The following TRIM37 variants were observed in gnomAD, a reference collection of about 807,000 sequenced individuals.
TRIM37 encodes tripartite motif containing 37.
Under a neutral mutation model 129.8 loss-of-function variants are expected in TRIM37, and 80 were observed. The ratio of observed to expected loss-of-function variants is 0.62; its 90% CI spans 0.51 to 0.74. The LOEUF is 0.74. Among genes scored for constraint, TRIM37 ranks in the 30% least tolerant of loss-of-function variants. The probability of loss-of-function intolerance (pLI) is 0.00; values close to 1 mark genes in which losing one functional copy is unlikely to be tolerated. For synonymous variants in TRIM37, 389 were observed against 387.1 expected (o/e 1.00, Z -0.06); for missense variants, 1,054 against 1,176.5 (o/e 0.90, Z 1.52).
chr17:59,078,099 T>C (rs1488615918), intron 7 of TRIM37, among the ~76,000 whole-genome samples: 1 of 152,014 alleles, frequency 6.6e-6, no homozygotes, highest in African/African-American at 2.4e-5. Flanking sequence ...CACTCCAGCC[T>C]GAATGACAGA....
At chr17:59,064,064 G>A in intron 10 of TRIM37, 1 of 281,828 alleles carries the variant, frequency 3.5e-6, no homozygotes, top group Non-Finnish European at 6.7e-6. Context: ...GGAGGTTGAG[G>A]CTGCAGTGAG....
intron 13 of TRIM37, among the ~76,000 whole-genome samples, chr17:59,052,186 T>G (rs1397043648): frequency 1.4e-5 from 2 of 147,150 alleles, no homozygotes; most frequent in African/African-American, 5.1e-5. Flanking sequence ...AATGACAGAA[T>G]CTTAATCTAT....
chr17:59,104,077 C>T (rs1057177156), intron 2 of TRIM37, among the ~76,000 whole-genome samples: 11 of 152,168 alleles, frequency 7.2e-5, no homozygotes, highest in African/African-American at 2.7e-4. Context: ...ACCGCACATT[C>T]TTCAAAATAA....
chr17:59,013,461 G>T (rs1039736537), intron 21 of TRIM37, among the ~76,000 whole-genome samples: 4 of 151,350 alleles, frequency 2.6e-5, no homozygotes, highest in African/African-American at 4.9e-5. Flanking sequence ...AGATATTATT[G>T]AATGAGAAAA....
rs760501865 is a variant in TRIM37, at chr17:59,041,868, G to T, written c.1698C>A (p.Asn566Lys). The T allele has an allele frequency of 3.2e-5, 52 of 1,613,524 alleles. 1 individual carries two copies. The South Asian group carries it at 5.4e-4, about 17-fold the overall frequency. Residue 566 changes from asparagine to lysine, a missense_variant, in exon 17 of 24, where the codon AAC becomes AAA. Asn to Lys is a moderately conservative substitution (Grantham distance 94). This residue lies in a region of TRIM37 where 752 missense variants were observed against 870.8 expected (regional missense o/e 0.86). Coordinates refer to ENST00000262294, the MANE Select transcript of TRIM37 (RefSeq NM_015294.6). ...MSGENDVEYN[N>K]MELEEGELME... ...TGAGTTCTCCCTCTTCTAATTCCAT[G>T]TTGTTATATTCCACATCATTTTCTC...
At chr17:59,035,675 A>T (rs897024166) in intron 17 of TRIM37, among the ~76,000 whole-genome samples, 6 of 152,018 alleles carry the variant, frequency 3.9e-5, no homozygotes, top group Non-Finnish European at 8.8e-5. Flanking sequence ...TGAACCCAGG[A>T]GGCAGAGGTT....
At chr17:59,041,477 G>A (rs2039147529) in intron 17 of TRIM37, among the ~76,000 whole-genome samples, 1 of 152,064 alleles carries the variant, frequency 6.6e-6, no homozygotes, top group African/African-American at 2.4e-5. Flanking sequence ...AACAAATCTG[G>A]GGATTCAATT....
chr17:59,080,314 T>C (rs1599412256), intron 6 of TRIM37, among the ~76,000 whole-genome samples: 1 of 152,238 alleles, frequency 6.6e-6, no homozygotes. Context: ...TCACTAAAGC[T>C]GTTTGACCTA....
rs764075891 is a variant in TRIM37, at chr17:59,015,717, T to C, written c.2469A>G (p.Pro823=). 1 of 1,614,162 alleles carries C rather than the reference T, an allele frequency of 6.2e-7. No homozygotes were observed. The highest frequency in any genetic ancestry group is 1.3e-5 in the African/African-American group (1 of 75,058). Residue 823 remains proline (P), a synonymous_variant, in exon 21 of 24, where the codon CCA becomes CCG. Transcript: ENST00000262294. ...LIHGSIGDIL[P]KTEDRQCKAL... is the part of the protein sequence containing the mutation. ...CTTTACACTGCCGGTCTTCAGTTTT[T>C]GGCAGAATATCACCGATACTGCCAT...
intron 22 of TRIM37, among the ~76,000 whole-genome samples, chr17:59,005,360 T>G (rs2034348308): frequency 6.6e-6 from 1 of 152,214 alleles, no homozygotes; most frequent in East Asian, 1.9e-4. Context: ...CTCAGCCTAC[T>G]GCAACCTCCA....
intron 19 of TRIM37, among the ~76,000 whole-genome samples, chr17:59,023,730 T>C (rs1272452479): frequency 1.3e-5 from 2 of 151,800 alleles, no homozygotes; most frequent in African/African-American, 4.8e-5. Flanking sequence ...AGAAAAAAAC[T>C]AAAGGAATTC....
the TRIM37 span, among the ~76,000 whole-genome samples, chr17:58,975,612 G>T: frequency 6.6e-6 from 1 of 152,198 alleles, no homozygotes; most frequent in African/African-American, 2.4e-5. Flanking sequence ...ATACACAGGG[G>T]TTTGAAAAGG....
At position 59,106,635 on chromosome 17, in the gene TRIM37, T is replaced by TA; in HGVS notation, c.-175dup. The stretch of plus-strand genomic sequence containing the variant: ...CCATCTCTTCAGGTCCAGCGCCGCC[T>TA]ACCCCCATTTCGCCATTTTTACCGG... On this transcript the variant is annotated 5_prime_UTR_variant, in exon 1 of 24. It removes the in-frame stop codon of an upstream open reading frame in the 5' UTR. Transcript: ENST00000262294. 1 of 729,214 alleles carries TA rather than the reference T, an allele frequency of 1.4e-6. No homozygotes were observed. 45.2% of individuals were successfully genotyped at this position (729,214 alleles called of 1,614,324 possible).
chr17:59,012,253 A>ACCCCCC, intron 22 of TRIM37, 75 bp downstream of exon 22: 1 of 845,522 alleles, frequency 1.2e-6, no homozygotes. Context: ...CACCACCACC[A>ACCCCCC]CCACCCACCA....
intron 4 of TRIM37, among the ~76,000 whole-genome samples, chr17:59,087,754 C>T (rs919437152): frequency 2.6e-5 from 4 of 152,108 alleles, no homozygotes; most frequent in Non-Finnish European, 2.9e-5. Flanking sequence ...GGAATCTCAC[C>T]TAATTCAAGT....
intron 22 of TRIM37, among the ~76,000 whole-genome samples, chr17:59,011,637 T>C (rs543857304): frequency 6.6e-6 from 1 of 152,344 alleles, no homozygotes; most frequent in Non-Finnish European, 1.5e-5. Flanking sequence ...TAAGCACCTC[T>C]GTTGCCCCAA....
Position 59,012,227 on chromosome 17 carries a change from G to GCAGCAGCAGCAGCAGCAGCACCAC in TRIM37, c.2695+100_2695+101insGTGGTGCTGCTGCTGCTGCTGCTG, listed in dbSNP as rs72443487. The GCAGCAGCAGCAGCAGCAGCACCAC allele has an allele frequency of 2.7e-3, 1,656 of 611,802 alleles. 26 individuals carry two copies. The African/African-American group carries it at 0.027, about 10-fold the overall frequency. 37.9% of individuals were successfully genotyped at this position (611,802 alleles called of 1,614,324 possible). A position where few individuals can be genotyped will look rare whatever the true frequency, so the allele number is the denominator to read the frequency against. ...CCTATCACTACCACCAGCAGCAGCA[G>GCAGCAGCAGCAGCAGCAGCACCAC]CACCACCACCACCACCACCACCACC... is the stretch of plus-strand genomic sequence containing the variant. On this transcript the variant is annotated intron_variant, in intron 22 of 23. Transcript: ENST00000262294.
intron 7 of TRIM37, among the ~76,000 whole-genome samples, chr17:59,078,835 A>C (rs2043032120): frequency 6.6e-6 from 1 of 152,206 alleles, no homozygotes; most frequent in Non-Finnish European, 1.5e-5. Flanking sequence ...TGATTGTTTA[A>C]GACTATTTGC....
intron 15 of TRIM37, among the ~76,000 whole-genome samples, chr17:59,048,586 T>C (rs1306744409): frequency 1.3e-5 from 2 of 152,110 alleles, no homozygotes. Flanking sequence ...TGAATGAAAA[T>C]AGAACACCTT....
Sources: allele counts gnomAD v4.1 joint callset (sites outside exome capture counted in the v4.1 genomes callset), GRCh38; gene constraint gnomAD v4.1.1; regional missense constraint gnomAD v4.1.1; transcripts MANE v1.5; gene names NCBI Gene and HGNC (gene_info 2026-07-23, HGNC 2026-07-21).